The following CYGB variants were observed in gnomAD, a reference collection of about 807,000 sequenced individuals.
The protein encoded by CYGB is histoglobin.
Under a neutral mutation model 20.7 loss-of-function variants are expected in CYGB, and 13 were observed. That is an observed-to-expected ratio of 0.63 (90% CI 0.41 to 1.00). The LOEUF is 1.00. Among genes scored for constraint, CYGB ranks in the 50% least tolerant of loss-of-function variants. The pLI, the probability that CYGB is intolerant of heterozygous loss-of-function variation, is 0.00. For synonymous variants in CYGB, 93 were observed against 107.4 expected (o/e 0.87, Z 0.83); for missense variants, 218 against 257.2 (o/e 0.85, Z 1.04).
upstream of CYGB, chr17:76,540,654 T>TGCCTGTGCGC (rs1230473854): frequency 1.0e-4 from 143 of 1,402,936 alleles, no homozygotes; most frequent in Non-Finnish European, 1.3e-4. The surrounding 1 kb of genome is among the most constrained non-coding windows in gnomAD (Gnocchi z 5.0). Flanking sequence ...TGCACGTGTG[T>TGCCTGTGCGC]GCCTGTGCGC....
intron 1 of CYGB, among the ~76,000 whole-genome samples, chr17:76,547,791 T>C (rs921259667): frequency 1.4e-5 from 2 of 142,572 alleles, no homozygotes; most frequent in African/African-American, 5.3e-5. Context: ...CACACAGACA[T>C]ACACACATTC....
upstream of CYGB, chr17:76,540,013 C>T: frequency 1.0e-6 from 1 of 979,772 alleles, no homozygotes; most frequent in Non-Finnish European, 1.6e-6. The surrounding 1 kb of genome is among the most constrained non-coding windows in gnomAD (Gnocchi z 5.0). Context: ...GCTTGAGCCT[C>T]CTAATCCATC....
rs1331938736 is a variant in CYGB, at chr17:76,533,714, C to A, written c.144-2023G>T. On this transcript the variant is annotated intron_variant, in intron 1 of 3. Transcript: ENST00000293230. The surrounding 1 kb of genome is among the most constrained non-coding windows in gnomAD (Gnocchi z 4.5). ...CTCCAGCCTGGGTGACAGAGTGAGA[C>A]CCTGAATCCAAAGAAATAATGATAA... is the stretch of plus-strand genomic sequence containing the variant. 1.3e-5 allele frequency among the ~76,000 whole-genome samples: 2 copies of A among 151,838 alleles called. No individual in the cohort carries two copies. The highest frequency in any genetic ancestry group is 3.9e-4 in the East Asian group (2 of 5,166).
intron 1 of CYGB, among the ~76,000 whole-genome samples, chr17:76,535,847 C>T (rs1052133219): frequency 2.0e-5 from 3 of 152,208 alleles, no homozygotes; most frequent in Non-Finnish European, 4.4e-5. Context: ...TCCACGTATC[C>T]GCACAGGTAC....
rs975830348 is a variant in CYGB, at chr17:76,546,249, C to T, written c.-53+4613G>A. ...CAACCAGGAGCAGGGAGGTGCTGCT[C>T]CTGCAACTGAGGCTCAGAGCGGCTG... On this transcript the variant is annotated intron_variant, in intron 1 of 3. Coordinates refer to the CYGB transcript ENST00000589145. The surrounding 1 kb of genome is among the most constrained non-coding windows in gnomAD (Gnocchi z 4.5). 1 of 152,232 alleles carries T rather than the reference C, an allele frequency of 6.6e-6. No homozygotes were observed. Among genetic ancestry groups the T allele is most frequent in the Non-Finnish European group, 1.5e-5 (1 of 68,116 alleles). The allele number at this position is 152,232 out of a possible 1,614,324, so 9.4% of individuals were successfully genotyped here.
chr17:76,540,263 G>GGGC, upstream of CYGB: 1 of 610,898 alleles, frequency 1.6e-6, no homozygotes, highest in Non-Finnish European at 2.9e-6. The surrounding 1 kb of genome is among the most constrained non-coding windows in gnomAD (Gnocchi z 5.0). Context: ...GGGGGGGGGG[G>GGGC]CATGGGGCTG....
intron 1 of CYGB, chr17:76,544,965 G>A (rs1223002669): frequency 2.2e-6 from 1 of 454,504 alleles, no homozygotes; most frequent in Admixed American, 2.4e-5. Flanking sequence ...GGAAGGGCGG[G>A]AAAAAGAGAG....
chr17:76,544,424 G>A (rs991250391), intron 1 of CYGB: 6 of 454,790 alleles, frequency 1.3e-5, no homozygotes, highest in African/African-American at 1.0e-4. Context: ...CAGGGTGGGG[G>A]AGGAGGTGCA....
chr17:76,540,191 G>A (rs768323513), upstream of CYGB: 29 of 1,528,730 alleles, frequency 1.9e-5, no homozygotes, highest in African/African-American at 2.0e-4. The surrounding 1 kb of genome is among the most constrained non-coding windows in gnomAD (Gnocchi z 5.0). Flanking sequence ...CTCTGGCGCC[G>A]CCGATTTGCC....
upstream of CYGB, chr17:76,540,255 G>T (rs8176324): frequency 2.8e-4 from 306 of 1,095,416 alleles, 3 homozygotes; most frequent in Middle Eastern, 9.7e-4. The surrounding 1 kb of genome is among the most constrained non-coding windows in gnomAD (Gnocchi z 5.0). Flanking sequence ...GTTGGTCGGG[G>T]GGGGGGGGCA....
chr17:76,547,848 CACACAG>C (rs1247750736), intron 1 of CYGB, among the ~76,000 whole-genome samples: 2 of 129,588 alleles, frequency 1.5e-5, no homozygotes, highest in African/African-American at 7.5e-5. Context: ...CATTCACACA[CACACAG>C]ACATACACAT....
In CYGB at chr17:76,533,647, C is replaced by T. The variant is rs902474793; in HGVS notation, c.144-1956G>A. Among the ~76,000 whole-genome samples, 10 of 152,006 alleles carry T rather than the reference C, an allele frequency of 6.6e-5. No individual in the cohort carries two copies. The highest frequency in any genetic ancestry group is 1.2e-4 in the Non-Finnish European group (8 of 68,010). On this transcript the variant is annotated intron_variant, in intron 1 of 3. Coordinates refer to ENST00000293230, the MANE Select transcript of CYGB (RefSeq NM_134268.5). This position sits in a 1 kb window ranked among gnomAD's most constrained non-coding sequence, Gnocchi z 4.5. ...CTAAAGTGGGAGGATCACTTGAACC[C>T]GGGAGGCCAAGGCTGCAGGGAGCCA...
intron 1 of CYGB, among the ~76,000 whole-genome samples, chr17:76,534,467 C>T (rs956503694): frequency 4.3e-4 from 65 of 152,188 alleles, no homozygotes; most frequent in African/African-American, 1.5e-3. Context: ...GTGTGAGCCA[C>T]GGTGCCCGGC....
At chr17:76,541,321 T>G (rs1435717086), upstream of CYGB, among the ~76,000 whole-genome samples, 1 of 152,198 alleles carries the variant, frequency 6.6e-6, no homozygotes, top group Admixed American at 6.5e-5. Flanking sequence ...GAAGAGTGAC[T>G]TTTTTGCTCC....
Position 76,528,868 on chromosome 17 carries a change from G to C in CYGB, c.540-257C>G. ...AAAATGTGAATAATGTCTGTCTTGT[G>C]ACATAAACTGGGTAAAAAAGTGTTT... On this transcript the variant is annotated intron_variant, in intron 3 of 3. Coordinates refer to ENST00000293230, the MANE Select transcript of CYGB (RefSeq NM_134268.5). This position sits in a 1 kb window ranked among gnomAD's most constrained non-coding sequence, Gnocchi z 5.8. 8.2e-7 allele frequency: 1 copy of C among 1,218,030 alleles called. No homozygotes were observed. Among genetic ancestry groups the C allele is most frequent in the Non-Finnish European group, 1.0e-6 (1 of 978,018 alleles). The allele number at this position is 1,218,030 out of a possible 1,614,324, so 75.5% of individuals were successfully genotyped here. A position where few individuals can be genotyped will look rare whatever the true frequency, so the allele number is the denominator to read the frequency against.
Position 76,528,719 on chromosome 17 carries a change from G to C in CYGB, c.540-108C>G. The C allele has an allele frequency of 8.9e-7, 1 of 1,122,936 alleles. No individual in the cohort carries two copies. Among genetic ancestry groups the C allele is most frequent in the Non-Finnish European group, 1.1e-6 (1 of 875,188 alleles). 69.6% of individuals were successfully genotyped at this position (1,122,936 alleles called of 1,614,324 possible). A position where few individuals can be genotyped will look rare whatever the true frequency, so the allele number is the denominator to read the frequency against. On this transcript the variant is annotated intron_variant, in intron 3 of 3. Coordinates refer to ENST00000293230, the MANE Select transcript of CYGB (RefSeq NM_134268.5). This position sits in a 1 kb window ranked among gnomAD's most constrained non-coding sequence, Gnocchi z 5.8. The stretch of plus-strand genomic sequence containing the variant: ...TGGCGAGGCTCACTTCCTGCCAAGA[G>C]ATCCGGCACAGTGCAGTTGAAAGCA...
At chr17:76,541,711 AC>A (rs1338487342), upstream of CYGB, among the ~76,000 whole-genome samples, 1 of 151,858 alleles carries the variant, frequency 6.6e-6, no homozygotes, top group East Asian at 1.9e-4. Context: ...TACAATGACC[AC>A]CCCTGGGCCT....
Position 76,531,338 on chromosome 17 carries a change from C to T in CYGB, c.375+122G>A, listed in dbSNP as rs2074839351. ...CATCCTGCTGCCGGGCACTGCCCCT[C>T]CCTCTCGCAGCCACTCCGGGGATCA... is the stretch of plus-strand genomic sequence containing the variant. On this transcript the variant is annotated intron_variant, in intron 2 of 3. Coordinates refer to ENST00000293230, the MANE Select transcript of CYGB (RefSeq NM_134268.5). This position sits in a 1 kb window ranked among gnomAD's most constrained non-coding sequence, Gnocchi z 7.4. The T allele has an allele frequency of 2.3e-6, 3 of 1,316,348 alleles. No individual in the cohort carries two copies. The South Asian group carries it at 4.2e-5, about 19-fold the overall frequency. The allele number at this position is 1,316,348 out of a possible 1,614,324, so 81.5% of individuals were successfully genotyped here.
Position 76,537,583 on chromosome 17 carries a change from G to T in CYGB, c.-41C>A, listed in dbSNP as rs1378000667. ...CAGCCCGGCTTTGCTCGGCGGCGGC[G>T]GTGGCGGGGCGCGGGGCGCGGGGCG... On this transcript the variant is annotated 5_prime_UTR_variant, in exon 1 of 4. Coordinates refer to ENST00000293230, the MANE Select transcript of CYGB (RefSeq NM_134268.5). The T allele has an allele frequency of 1.6e-6, 2 of 1,241,514 alleles. No homozygotes were observed. The highest frequency in any genetic ancestry group is 1.6e-5 in the African/African-American group (1 of 63,956). The allele number at this position is 1,241,514 out of a possible 1,614,324, so 76.9% of individuals were successfully genotyped here.
Sources: gnomAD v4.1 joint callset for allele counts (sites outside exome capture counted in the v4.1 genomes callset) on GRCh38, gnomAD v4.1.1 for gene constraint, Gnocchi (gnomAD v3.1) non-coding constraint, MANE v1.5 for transcripts, NCBI Gene and HGNC (gene_info 2026-07-23, HGNC 2026-07-21) for gene names.